Variants in NKAIN3 observed in about 807,000 individuals in gnomAD.
NKAIN3 encodes sodium/potassium transporting ATPase interacting 3, also known as sodium/potassium-transporting ATPase subunit beta-1-interacting protein 3.
A neutral mutation model predicts 30.2 loss-of-function variants in NKAIN3; 25 were observed. That is an observed-to-expected ratio of 0.83 (90% CI 0.60 to 1.16). The LOEUF (loss-of-function observed/expected upper bound fraction) is 1.16, where lower values mean the gene tolerates loss of function less well. Ranked by LOEUF, NKAIN3 falls within the 50% of genes most tolerant of loss-of-function variation. The pLI, the probability that NKAIN3 is intolerant of heterozygous loss-of-function variation, is 0.00. For synonymous variants in NKAIN3, 91 were observed against 89.6 expected, an observed-to-expected ratio of 1.02 and a Z score of -0.09; for missense variants, 225 against 254.1, an observed-to-expected ratio of 0.89 and a Z score of 0.78.
At chr8:62,338,079 G>T (rs1159556640) in intron 1 of NKAIN3, among the ~76,000 whole-genome samples, 1 of 151,960 alleles carries the variant, frequency 6.6e-6, no homozygotes, top group African/African-American at 2.4e-5. Context: ...ATCTGCCAAT[G>T]ATGTGTCTGT....
chr8:62,296,832 A>G (rs1813846688), intron 1 of NKAIN3, among the ~76,000 whole-genome samples: 1 of 152,096 alleles, frequency 6.6e-6, no homozygotes, highest in Non-Finnish European at 1.5e-5. Flanking sequence ...CTAATGTAAG[A>G]ATTCCAATAT....
chr8:62,858,057 G>GT (rs201880875), intron 4 of NKAIN3, among the ~76,000 whole-genome samples: 76 of 149,326 alleles, frequency 5.1e-4, no homozygotes, highest in East Asian at 1.2e-3. Flanking sequence ...TGTTTTCTGT[G>GT]TTTTTTTTGT....
intron 3 of NKAIN3, among the ~76,000 whole-genome samples, chr8:62,676,108 C>T (rs1373065314): frequency 6.6e-6 from 1 of 152,172 alleles, no homozygotes; most frequent in Non-Finnish European, 1.5e-5. Context: ...TCACAAAAAT[C>T]TTATGAGGTA....
At chr8:62,424,064 C>G (rs773534929) in intron 1 of NKAIN3, among the ~76,000 whole-genome samples, 5 of 151,870 alleles carry the variant, frequency 3.3e-5, no homozygotes, top group Non-Finnish European at 7.4e-5. Context: ...TCTTTATCAA[C>G]ACCTCCCAGG....
intron 1 of NKAIN3, among the ~76,000 whole-genome samples, chr8:62,520,750 C>T (rs1808129327): frequency 6.6e-6 from 1 of 151,990 alleles, no homozygotes; most frequent in Non-Finnish European, 1.5e-5. Flanking sequence ...CTAGTGGCTC[C>T]CATCTTAGAC....
chr8:62,996,693 A>T (rs568894654), intron 5 of NKAIN3, among the ~76,000 whole-genome samples: 1 of 152,192 alleles, frequency 6.6e-6, no homozygotes, highest in Non-Finnish European at 1.5e-5. Flanking sequence ...TATTGGGTAA[A>T]TGTTCCTATT....
At chr8:62,964,722 T>C (rs1470066534) in intron 6 of NKAIN3, among the ~76,000 whole-genome samples, 1 of 152,056 alleles carries the variant, frequency 6.6e-6, no homozygotes, top group Non-Finnish European at 1.5e-5. Flanking sequence ...TTATACCGAT[T>C]GCATGAGGCC....
rs117205857 is a variant in NKAIN3 at position 62,857,115 on chromosome 8, G to A, written c.472-61338G>A. 7.2e-5 allele frequency: 29 copies of A among 400,682 alleles called. No individual in the cohort carries two copies. The East Asian group carries it at 1.8e-3, about 24-fold the overall frequency. 24.8% of individuals were successfully genotyped at this position (400,682 alleles called of 1,614,324 possible). A position where few individuals can be genotyped will look rare whatever the true frequency, so the allele number is the denominator to read the frequency against. On this transcript the variant is annotated intron_variant, in intron 4 of 6. Transcript: ENST00000623646. ...CTACTTCTCACTTTGGTGTAGGGAA[G>A]TGACCAACTTGGACCAGAAATTCTT...
intron 1 of NKAIN3, among the ~76,000 whole-genome samples, chr8:62,370,351 C>G (rs1419748061): frequency 1.3e-5 from 2 of 151,930 alleles, no homozygotes; most frequent in Admixed American, 1.3e-4. Flanking sequence ...TATGATTCAG[C>G]CAGTCCTACG....
chr8:62,962,967 C>T (rs1205263390), intron 6 of NKAIN3, among the ~76,000 whole-genome samples: 1 of 152,076 alleles, frequency 6.6e-6, no homozygotes, highest in Admixed American at 6.5e-5. Flanking sequence ...CCTCAGCTCA[C>T]TGCAACGTCC....
At chr8:62,605,777 T>A (rs1408359827) in intron 3 of NKAIN3, among the ~76,000 whole-genome samples, 3 of 152,084 alleles carry the variant, frequency 2.0e-5, no homozygotes, top group Non-Finnish European at 4.4e-5. Context: ...ATTTCAGGGA[T>A]TTGAGCACCC....
intron 1 of NKAIN3, among the ~76,000 whole-genome samples, chr8:62,550,155 T>C (rs576360707): frequency 2.6e-5 from 4 of 152,124 alleles, no homozygotes; most frequent in Non-Finnish European, 5.9e-5. Flanking sequence ...TCTCTTTCTC[T>C]TTTGCTTTGC....
intron 3 of NKAIN3, among the ~76,000 whole-genome samples, chr8:62,694,399 G>C (rs1488949161): frequency 6.6e-6 from 1 of 152,166 alleles, no homozygotes; most frequent in Non-Finnish European, 1.5e-5. Flanking sequence ...CTTATGATTT[G>C]TAGCAACATA....
intron 1 of NKAIN3, among the ~76,000 whole-genome samples, chr8:62,499,411 T>C (rs1397217241): frequency 1.3e-5 from 2 of 152,124 alleles, no homozygotes; most frequent in Non-Finnish European, 2.9e-5. Flanking sequence ...CTGTTCTTTT[T>C]GATGCCTATC....
At chr8:62,675,530 A>C (rs973496956) in intron 3 of NKAIN3, among the ~76,000 whole-genome samples, 4 of 152,200 alleles carry the variant, frequency 2.6e-5, no homozygotes, top group African/African-American at 9.6e-5. Flanking sequence ...AACCATATTT[A>C]AACCACCCAC....
At chr8:62,529,633 C>T (rs970190618) in intron 1 of NKAIN3, among the ~76,000 whole-genome samples, 1 of 152,094 alleles carries the variant, frequency 6.6e-6, no homozygotes, top group Non-Finnish European at 1.5e-5. Context: ...CCTCACCAGA[C>T]ACTGAATCTG....
intron 1 of NKAIN3, among the ~76,000 whole-genome samples, chr8:62,478,170 T>C (rs1806582053): frequency 6.6e-6 from 1 of 152,064 alleles, no homozygotes; most frequent in Non-Finnish European, 1.5e-5. Context: ...GTTATTATTA[T>C]TATTATTATT....
In NKAIN3 at chr8:62,966,371, G is replaced by A; in HGVS notation, c.*964G>A. 1 of 985,156 alleles carries A rather than the reference G, an allele frequency of 1.0e-6. No individual in the cohort carries two copies. Among genetic ancestry groups the A allele is most frequent in the South Asian group, 4.7e-5 (1 of 21,282 alleles). 61.0% of individuals were successfully genotyped at this position (985,156 alleles called of 1,614,324 possible). On this transcript the variant is annotated 3_prime_UTR_variant, in exon 7 of 7. Transcript: ENST00000623646. ...TCCCAATAACCAAGAAAATGATATG[G>A]GAAGCAATTATCTGTGGAAAAAAGG...
chr8:62,423,227 G>A (rs971650470), intron 1 of NKAIN3, among the ~76,000 whole-genome samples: 33 of 152,012 alleles, frequency 2.2e-4, no homozygotes, highest in African/African-American at 8.0e-4. Context: ...AAATGAAACT[G>A]TGGAAGGAAG....
Sources: gnomAD v4.1 joint callset for allele counts (sites outside exome capture counted in the v4.1 genomes callset) on GRCh38, gnomAD v4.1.1 for gene constraint, MANE v1.5 for transcripts, NCBI Gene and HGNC (gene_info 2026-07-23, HGNC 2026-07-21) for gene names.